Variants in SENP7 observed in about 807,000 individuals in gnomAD.
SENP7 encodes the protein SUMO specific peptidase 7.
In SENP7, 64 loss-of-function variants were observed where a neutral mutation model predicts 141.2. The ratio of observed to expected loss-of-function variants is 0.45; its 90% CI spans 0.37 to 0.56. SENP7 has a LOEUF of 0.56. SENP7 is among the 20% of genes least tolerant of loss of function. The probability of loss-of-function intolerance (pLI) is 0.00; values close to 1 mark genes in which losing one functional copy is unlikely to be tolerated. For missense variants in SENP7, 1,025 were observed against 1,212.2 expected (o/e 0.85, Z 2.29); for synonymous variants, 382 against 426.4 (o/e 0.90, Z 1.28).
At chr3:101,368,664 T>C (rs149399329) in intron 7 of SENP7, among the ~76,000 whole-genome samples, 2,482 of 151,724 alleles carry the variant, frequency 0.016, 39 homozygotes, top group East Asian at 0.06. Flanking sequence ...CACACCAACA[T>C]GGCACATGTA....
chr3:101,463,320 G>C (rs1457009709), intron 3 of SENP7, among the ~76,000 whole-genome samples: 1 of 141,630 alleles, frequency 7.1e-6, no homozygotes. Context: ...CTGCAGTCAG[G>C]CCTCGGTGAC....
intron 4 of SENP7, among the ~76,000 whole-genome samples, chr3:101,447,317 C>T (rs1268806427): frequency 6.6e-6 from 1 of 152,058 alleles, no homozygotes; most frequent in African/African-American, 2.4e-5. Context: ...GTGGCATGCA[C>T]CGGTGGTCCC....
At chr3:101,440,549 A>G (rs558347773) in intron 4 of SENP7, among the ~76,000 whole-genome samples, 1 of 136,738 alleles carries the variant, frequency 7.3e-6, no homozygotes, top group East Asian at 2.0e-4. Context: ...CTCTGTGAGA[A>G]ACACCCAAGA....
rs190634961 is a variant in SENP7, at chr3:101,482,172, G to T, written c.186+11701C>A. Among the ~76,000 whole-genome samples, 384 of 152,152 alleles carry T rather than the reference G, an allele frequency of 2.5e-3. 1 individual carries two copies. The highest frequency in any genetic ancestry group is 0.014 in the South Asian group (67 of 4,818). ...AAAAATACAAAAAAAAATTAGCCAG[G>T]TGTGGTGGCGGGCACCTGTAGTCCC... is the stretch of plus-strand genomic sequence containing the variant. On this transcript the variant is annotated intron_variant, in intron 3 of 23. Coordinates refer to ENST00000394095, the MANE Select transcript of SENP7 (RefSeq NM_020654.5).
chr3:101,395,227 A>G (rs1448149266), intron 6 of SENP7, among the ~76,000 whole-genome samples: 1 of 152,116 alleles, frequency 6.6e-6, no homozygotes, highest in Non-Finnish European at 1.5e-5. Flanking sequence ...TGCCTAGACC[A>G]ATGTCCACAA....
intron 6 of SENP7, among the ~76,000 whole-genome samples, chr3:101,376,656 G>A (rs993083906): frequency 3.6e-4 from 54 of 151,882 alleles, no homozygotes; most frequent in Non-Finnish European, 7.1e-4. Flanking sequence ...AGCGGGGAGG[G>A]ATAGCATTAG....
intron 4 of SENP7, among the ~76,000 whole-genome samples, chr3:101,428,235 T>C (rs2062030941): frequency 1.3e-5 from 2 of 152,192 alleles, no homozygotes; most frequent in African/African-American, 4.8e-5. Flanking sequence ...CTAGGTCAAA[T>C]GGTATTTCTA....
intron 3 of SENP7, among the ~76,000 whole-genome samples, chr3:101,463,619 C>T (rs2063664358): frequency 6.6e-6 from 1 of 151,066 alleles, no homozygotes; most frequent in Admixed American, 6.6e-5. Context: ...AATACCAAAC[C>T]TGCAATCTAA....
At chr3:101,484,123 T>A (rs1350891866) in intron 3 of SENP7, among the ~76,000 whole-genome samples, 1 of 152,160 alleles carries the variant, frequency 6.6e-6, no homozygotes, top group Non-Finnish European at 1.5e-5. Context: ...TCTAGATGAC[T>A]TTGAGTCTAT....
intron 17 of SENP7, among the ~76,000 whole-genome samples, chr3:101,335,900 C>G (rs1435371199): frequency 6.6e-6 from 1 of 152,300 alleles, no homozygotes; most frequent in East Asian, 1.9e-4. Context: ...AACTGATCCT[C>G]GCAGGTCTTG....
chr3:101,332,169 T>G, intron 18 of SENP7, 60 bp from the exon 19 acceptor site: 2 of 1,487,796 alleles, frequency 1.3e-6, no homozygotes, highest in Non-Finnish European at 1.8e-6. Context: ...TATAATATAT[T>G]CTAGAGATAC....
Position 101,459,057 on chromosome 3 carries a change from G to GAA in SENP7, c.187-7_187-6dup. ...ATTCCTTAGGCTTCTTTCCCACTAGGAAAAAAAAAATGAAATTTTAATAAT... is the reference window on the plus strand; with the variant it reads ...ATTCCTTAGGCTTCTTTCCCACTAGGAAAAAAAAAAAATGAAATTTTAATAAT... On this transcript the variant is annotated splice_region_variant and splice_polypyrimidine_tract_variant and intron_variant, in intron 3 of 23. Transcript: ENST00000394095. 1.1e-5 allele frequency: 15 copies of GAA among 1,402,334 alleles called. No individual in the cohort carries two copies. Among genetic ancestry groups the GAA allele is most frequent in the South Asian group, 4.0e-5 (3 of 75,076 alleles). The allele number at this position is 1,402,334 out of a possible 1,614,324, so 86.9% of individuals were successfully genotyped here. A position where few individuals can be genotyped will look rare whatever the true frequency, so the allele number is the denominator to read the frequency against.
At chr3:101,365,713 A>C (rs2060021606) in intron 9 of SENP7, among the ~76,000 whole-genome samples, 1 of 152,050 alleles carries the variant, frequency 6.6e-6, no homozygotes, top group South Asian at 2.1e-4. Context: ...TGAATCATCT[A>C]AATTTATTCA....
intron 4 of SENP7, among the ~76,000 whole-genome samples, chr3:101,426,650 T>C (rs2061968998): frequency 6.6e-6 from 1 of 151,972 alleles, no homozygotes; most frequent in South Asian, 2.1e-4. Context: ...CAGCTAATTT[T>C]TTTTATTTTC....
At chr3:101,366,811 T>C in intron 8 of SENP7, 42 bp from the exon 9 acceptor site, 2 of 1,387,072 alleles carry the variant, frequency 1.4e-6, no homozygotes, top group Non-Finnish European at 2.0e-6. Flanking sequence ...TTTTCAAATT[T>C]GGCTTGCTTA....
At chr3:101,385,279 C>G (rs889648958) in intron 6 of SENP7, among the ~76,000 whole-genome samples, 1 of 151,874 alleles carries the variant, frequency 6.6e-6, no homozygotes, top group Non-Finnish European at 1.5e-5. Flanking sequence ...GTGAACACAC[C>G]CCACAACCTC....
intron 12 of SENP7, 24 bp downstream of exon 12, chr3:101,351,594 G>A: frequency 7.5e-7 from 1 of 1,331,274 alleles, no homozygotes. Flanking sequence ...AAAAAGACAA[G>A]TTCATAAGAG....
At chr3:101,489,472 C>T (rs7624043) in intron 3 of SENP7, among the ~76,000 whole-genome samples, 5,051 of 123,676 alleles carry the variant, frequency 0.041, 296 homozygotes, top group African/African-American at 0.14. Context: ...ACAGATCTAC[C>T]ATGCAAACAG....
intron 11 of SENP7, among the ~76,000 whole-genome samples, chr3:101,361,332 T>A (rs1454086626): frequency 6.6e-6 from 1 of 152,164 alleles, no homozygotes; most frequent in Admixed American, 6.5e-5. Flanking sequence ...AGTTCCTGGA[T>A]ATCCTTAATT....
Sources: gnomAD v4.1 joint callset for allele counts (sites outside exome capture counted in the v4.1 genomes callset) on GRCh38, gnomAD v4.1.1 for gene constraint, MANE v1.5 for transcripts, NCBI Gene and HGNC (gene_info 2026-07-23, HGNC 2026-07-21) for gene names.